MCTP1: variants seen among roughly 807,000 people sequenced by gnomAD.
The protein encoded by MCTP1 is multiple C2 and transmembrane domain-containing protein 1.
A neutral mutation model predicts 120.6 loss-of-function variants in MCTP1; 69 were observed. The ratio of observed to expected loss-of-function variants is 0.57; its 90% CI spans 0.47 to 0.70. The LOEUF is 0.70. Ranked by LOEUF, MCTP1 falls within the 30% of genes least tolerant of loss-of-function variation. The probability of loss-of-function intolerance (pLI) is 0.00; values close to 1 mark genes in which losing one functional copy is unlikely to be tolerated. For missense variants in MCTP1, 1,203 were observed against 1,248.8 expected, an observed-to-expected ratio of 0.96 and a Z score of 0.55; for synonymous variants, 529 against 493.1, an observed-to-expected ratio of 1.07 and a Z score of -0.96.
chr5:94,854,105 A>C (rs1425459854), intron 17 of MCTP1, among the ~76,000 whole-genome samples: 2 of 151,862 alleles, frequency 1.3e-5, no homozygotes, highest in Non-Finnish European at 2.9e-5. Context: ...TTCTAGAGAC[A>C]CTTCATCTGT....
chr5:95,112,043 A>G (rs1757494721), intron 1 of MCTP1, among the ~76,000 whole-genome samples: 1 of 152,204 alleles, frequency 6.6e-6, no homozygotes, highest in Non-Finnish European at 1.5e-5. Flanking sequence ...GAATACAACA[A>G]ATATTTTAAA....
At chr5:95,208,962 T>C (rs1752003843) in intron 1 of MCTP1, among the ~76,000 whole-genome samples, 1 of 152,158 alleles carries the variant, frequency 6.6e-6, no homozygotes, top group African/African-American at 2.4e-5. Flanking sequence ...TGTTCTGTCA[T>C]CTCTTTGCCT....
chr5:94,751,245 T>C (rs764433399), intron 19 of MCTP1, among the ~76,000 whole-genome samples: 3 of 151,880 alleles, frequency 2.0e-5, no homozygotes, highest in Non-Finnish European at 4.4e-5. Flanking sequence ...GAGTTAGGGG[T>C]TTAAACAGAA....
chr5:95,204,607 G>A (rs1052078752), intron 1 of MCTP1, among the ~76,000 whole-genome samples: 1 of 152,102 alleles, frequency 6.6e-6, no homozygotes. Flanking sequence ...AAATGACATG[G>A]TCTTGAATAT....
chr5:95,120,947 C>T (rs910823985), intron 1 of MCTP1, among the ~76,000 whole-genome samples: 5 of 152,060 alleles, frequency 3.3e-5, no homozygotes, highest in African/African-American at 1.2e-4. Flanking sequence ...AAAGACTTCC[C>T]CCCAAAACTA....
chr5:94,819,118 T>TATTCATTC (rs140930016), intron 17 of MCTP1, among the ~76,000 whole-genome samples: 33,866 of 139,958 alleles, frequency 0.24, 5,037 homozygotes, highest in Non-Finnish European at 0.32. Context: ...TTTATTTATT[T>TATTCATTC]ATTCATTCAT....
chr5:94,735,603 T>C (rs1162486981), intron 19 of MCTP1, among the ~76,000 whole-genome samples: 1 of 152,152 alleles, frequency 6.6e-6, no homozygotes, highest in Non-Finnish European at 1.5e-5. Context: ...TTAAGTGATA[T>C]TCATTTTGAT....
intron 15 of MCTP1, 114 bp from the exon 16 acceptor site, chr5:94,870,605 C>G (rs1797659773): frequency 6.2e-6 from 5 of 810,646 alleles, no homozygotes; most frequent in Non-Finnish European, 1.0e-5. Context: ...GGCTGCTGTG[C>G]TCATAAAATA....
Position 94,707,555 on chromosome 5 carries a change from C to G in MCTP1, c.2941G>C (p.Glu981Gln). 1.9e-6 allele frequency: 3 copies of G among 1,611,440 alleles called. No homozygotes were observed. The highest frequency in any genetic ancestry group is 2.5e-6 in the Non-Finnish European group (3 of 1,178,260). Residue 981 changes from glutamate (E) to glutamine (Q), a missense_variant, in exon 23 of 23, where the codon GAA becomes CAA. Coordinates refer to ENST00000515393, the MANE Select transcript of MCTP1 (RefSeq NM_024717.7). ...CTATGAGAAGGATCTGGTTTCAGTT[C>G]TTGGTATTGCACCTGTTTAAACAGA... is the stretch of plus-strand genomic sequence containing the variant. ...PSDVQVVQYQ[E>Q]LKPDPSHSPY...
intron 1 of MCTP1, among the ~76,000 whole-genome samples, chr5:95,073,545 C>T (rs1345277663): frequency 6.6e-6 from 1 of 152,148 alleles, no homozygotes; most frequent in Non-Finnish European, 1.5e-5. Context: ...CTGTTGTTCA[C>T]CTATATCTTT....
At chr5:94,814,447 C>G (rs1052039007) in intron 17 of MCTP1, among the ~76,000 whole-genome samples, 1 of 152,130 alleles carries the variant, frequency 6.6e-6, no homozygotes, top group Non-Finnish European at 1.5e-5. Context: ...AGAGAAGTTT[C>G]ACTAAAGCCA....
intron 17 of MCTP1, among the ~76,000 whole-genome samples, chr5:94,834,812 C>CTTTT (rs141103769): frequency 5.6e-5 from 5 of 88,638 alleles, no homozygotes; most frequent in African/African-American, 8.1e-5. Context: ...AACATTCTCT[C>CTTTT]TTTTTTTTTT....
chr5:94,850,393 A>C (rs528211528), intron 17 of MCTP1, among the ~76,000 whole-genome samples: 1 of 152,306 alleles, frequency 6.6e-6, no homozygotes, highest in South Asian at 2.1e-4. Context: ...ACAGATCTGT[A>C]ATGGTGTAAG....
At chr5:95,207,417 T>C (rs546063717) in intron 1 of MCTP1, among the ~76,000 whole-genome samples, 49 of 152,286 alleles carry the variant, frequency 3.2e-4, no homozygotes, top group African/African-American at 1.1e-3. Flanking sequence ...TTTACCCCAA[T>C]CTAGTGAAAA....
chr5:94,875,396 T>TG (rs1798623248), intron 12 of MCTP1, among the ~76,000 whole-genome samples: 1 of 151,832 alleles, frequency 6.6e-6, no homozygotes, highest in South Asian at 2.1e-4. Context: ...GGTGGGGGGT[T>TG]GGAGGGGTGG....
intron 18 of MCTP1, chr5:94,793,474 C>A (rs183995956): frequency 2.6e-5 from 4 of 152,210 alleles, no homozygotes; most frequent in African/African-American, 9.6e-5. Flanking sequence ...AGTGATCATC[C>A]ATTTTTAGAT....
At chr5:94,988,921 G>A (rs778189281) in intron 2 of MCTP1, among the ~76,000 whole-genome samples, 3 of 152,042 alleles carry the variant, frequency 2.0e-5, no homozygotes, top group Non-Finnish European at 4.4e-5. Flanking sequence ...GATCTTGCGA[G>A]AACTAACTCA....
chr5:95,199,924 G>A (rs1273748661), intron 1 of MCTP1, among the ~76,000 whole-genome samples: 1 of 151,096 alleles, frequency 6.6e-6, no homozygotes, highest in East Asian at 1.9e-4. Flanking sequence ...ACTCTGGGAG[G>A]CCGAGGCAGG....
chr5:94,828,667 C>G (rs1787794929), intron 17 of MCTP1, among the ~76,000 whole-genome samples: 1 of 152,198 alleles, frequency 6.6e-6, no homozygotes, highest in African/African-American at 2.4e-5. Flanking sequence ...GAGGAGGAAT[C>G]TAGAGCGGCA....
Sources: allele counts gnomAD v4.1 joint callset (sites outside exome capture counted in the v4.1 genomes callset), GRCh38; gene constraint gnomAD v4.1.1; transcripts MANE v1.5; gene names NCBI Gene and HGNC (gene_info 2026-07-23, HGNC 2026-07-21).